HCN1: variants seen among roughly 807,000 people sequenced by gnomAD.
HCN1 encodes the protein potassium/sodium hyperpolarization-activated cyclic nucleotide-gated channel 1.
In HCN1, 13 loss-of-function variants were observed where a neutral mutation model predicts 78.9. The observed-to-expected ratio is 0.16, with a 90% CI of 0.11 to 0.26. The LOEUF (loss-of-function observed/expected upper bound fraction) is 0.26, where lower values mean the gene tolerates loss of function less well. Among genes scored for constraint, HCN1 ranks in the 10% least tolerant of loss-of-function variants. HCN1 has a pLI of 1.00. For synonymous variants in HCN1, 552 were observed against 455.5 expected (o/e 1.21, Z -2.70); for missense variants, 810 against 1,154.3 (o/e 0.70, Z 4.32).
intron 2 of HCN1, among the ~76,000 whole-genome samples, chr5:45,616,444 G>A (rs113830129): frequency 0.01 from 1,563 of 152,040 alleles, 10 homozygotes; most frequent in Non-Finnish European, 0.017. Context: ...ATCATGTACT[G>A]ATTTGGCTCC....
At chr5:45,648,744 C>A (rs1337499988) in intron 1 of HCN1, among the ~76,000 whole-genome samples, 1 of 151,998 alleles carries the variant, frequency 6.6e-6, no homozygotes, top group Non-Finnish European at 1.5e-5. Flanking sequence ...CTATGTCTTG[C>A]ACATTTTATT....
intron 5 of HCN1, among the ~76,000 whole-genome samples, chr5:45,312,835 G>T (rs1745884301): frequency 6.6e-6 from 1 of 152,314 alleles, no homozygotes; most frequent in South Asian, 2.1e-4. Context: ...GCCCACCATT[G>T]CTGAGGCTTG....
At chr5:45,277,193 C>T (rs1281108927) in intron 6 of HCN1, among the ~76,000 whole-genome samples, 1 of 152,056 alleles carries the variant, frequency 6.6e-6, no homozygotes, top group Non-Finnish European at 1.5e-5. Context: ...GATAGTTAGC[C>T]TCTCTTTCTC....
At chr5:45,691,211 C>T (rs1197053975) in intron 1 of HCN1, among the ~76,000 whole-genome samples, 2 of 150,454 alleles carry the variant, frequency 1.3e-5, no homozygotes, top group Non-Finnish European at 3.0e-5. Context: ...TTTCATTATT[C>T]AACAGGCACG....
chr5:45,686,069 GTATA>G (rs896592474), intron 1 of HCN1, among the ~76,000 whole-genome samples: 1 of 151,448 alleles, frequency 6.6e-6, no homozygotes, highest in Non-Finnish European at 1.5e-5. Context: ...AGCATATACA[GTATA>G]TATACACACT....
intron 6 of HCN1, among the ~76,000 whole-genome samples, chr5:45,297,756 A>T (rs747228986): frequency 1.3e-5 from 2 of 152,088 alleles, no homozygotes; most frequent in African/African-American, 2.4e-5. Flanking sequence ...TCACATTTTG[A>T]TGCAATAAAA....
chr5:45,486,890 C>T (rs1467111442), intron 2 of HCN1, among the ~76,000 whole-genome samples: 1 of 152,050 alleles, frequency 6.6e-6, no homozygotes, highest in East Asian at 1.9e-4. Context: ...ATAATAGTAA[C>T]TGACCAAACC....
intron 2 of HCN1, among the ~76,000 whole-genome samples, chr5:45,484,109 T>A (rs1012448664): frequency 1.1e-4 from 16 of 152,120 alleles, no homozygotes; most frequent in African/African-American, 3.4e-4. Flanking sequence ...TTTAAACAAA[T>A]CCCCATTACA....
chr5:45,269,605 C>A (rs1249555416), intron 6 of HCN1, among the ~76,000 whole-genome samples: 2 of 152,086 alleles, frequency 1.3e-5, no homozygotes, highest in Non-Finnish European at 2.9e-5. Context: ...TCTCTAAATA[C>A]CAGAATGAGG....
chr5:45,646,017 AT>A (rs1430240632), intron 1 of HCN1, among the ~76,000 whole-genome samples: 1 of 152,030 alleles, frequency 6.6e-6, no homozygotes, highest in East Asian at 1.9e-4. Flanking sequence ...GTTTTGAATT[AT>A]TTTAGATGTC....
chr5:45,350,119 G>T (rs548800307), intron 5 of HCN1, among the ~76,000 whole-genome samples: 10 of 152,052 alleles, frequency 6.6e-5, no homozygotes, highest in Non-Finnish European at 8.8e-5. Context: ...GATGCAAAAA[G>T]CCTCAATAAA....
intron 3 of HCN1, among the ~76,000 whole-genome samples, chr5:45,442,073 G>A (rs1283600940): frequency 6.6e-6 from 1 of 152,072 alleles, no homozygotes; most frequent in Non-Finnish European, 1.5e-5. Flanking sequence ...GGCTTGATCT[G>A]TCAGACATAA....
At chr5:45,493,241 T>A (rs1004997549) in intron 2 of HCN1, among the ~76,000 whole-genome samples, 3 of 152,018 alleles carry the variant, frequency 2.0e-5, no homozygotes, top group Non-Finnish European at 4.4e-5. Flanking sequence ...CATATGTATA[T>A]ATAGATATAT....
chr5:45,563,646 C>A (rs1226548450), intron 2 of HCN1, among the ~76,000 whole-genome samples: 1 of 151,988 alleles, frequency 6.6e-6, no homozygotes, highest in Non-Finnish European at 1.5e-5. Context: ...TAAATTATTT[C>A]TGAAACAATT....
intron 6 of HCN1, among the ~76,000 whole-genome samples, chr5:45,277,273 C>A (rs904612151): frequency 1.3e-5 from 2 of 151,872 alleles, no homozygotes; most frequent in African/African-American, 2.4e-5. Flanking sequence ...AGTCAGTTTG[C>A]CAAATGAGCT....
At chr5:45,372,315 AAT>A (rs1409503250) in intron 4 of HCN1, among the ~76,000 whole-genome samples, 33 of 98,728 alleles carry the variant, frequency 3.3e-4, no homozygotes, top group African/African-American at 1.1e-3. Context: ...TAATATGTGA[AAT>A]ATATATGTTA....
At chr5:45,624,650 G>C (rs1745128600) in intron 2 of HCN1, among the ~76,000 whole-genome samples, 1 of 152,066 alleles carries the variant, frequency 6.6e-6, no homozygotes, top group African/African-American at 2.4e-5. Flanking sequence ...TATTGATAGA[G>C]ACCTCAAAAC....
chr5:45,533,541 C>A (rs763320669), intron 2 of HCN1, among the ~76,000 whole-genome samples: 2 of 152,168 alleles, frequency 1.3e-5, no homozygotes, highest in Non-Finnish European at 2.9e-5. Context: ...ACTGACTAGC[C>A]TTTCCAAGGT....
chr5:45,476,629 C>A (rs1741522274), intron 2 of HCN1, among the ~76,000 whole-genome samples: 1 of 152,086 alleles, frequency 6.6e-6, no homozygotes, highest in Non-Finnish European at 1.5e-5. Context: ...TATATGTTCC[C>A]AAAGCTTCCT....
Sources: allele counts gnomAD v4.1 joint callset (sites outside exome capture counted in the v4.1 genomes callset), GRCh38; gene constraint gnomAD v4.1.1; transcripts MANE v1.5; gene names NCBI Gene and HGNC (gene_info 2026-07-23, HGNC 2026-07-21).